Variants in BCKDHB observed in about 807,000 individuals in gnomAD.
BCKDHB encodes branched chain keto acid dehydrogenase E1 subunit beta.
Under a neutral mutation model 48.5 loss-of-function variants are expected in BCKDHB, and 41 were observed. The ratio of observed to expected loss-of-function variants is 0.85; its 90% CI spans 0.66 to 1.10. BCKDHB has a LOEUF of 1.10. Among genes scored for constraint, BCKDHB ranks in the 50% least tolerant of loss-of-function variants. The pLI is 0.00. For synonymous variants in BCKDHB, 201 were observed against 174.8 expected, an observed-to-expected ratio of 1.15 and a Z score of -1.18; for missense variants, 496 against 494.2, an observed-to-expected ratio of 1.00 and a Z score of -0.03.
the BCKDHB span, among the ~76,000 whole-genome samples, chr6:80,399,634 C>T: frequency 6.6e-6 from 1 of 152,148 alleles, no homozygotes; most frequent in Non-Finnish European, 1.5e-5. Context: ...TGCTCATGAA[C>T]AGGAAGAATC....
At chr6:80,195,979 A>G (rs1042326799) in intron 6 of BCKDHB, among the ~76,000 whole-genome samples, 11 of 152,218 alleles carry the variant, frequency 7.2e-5, no homozygotes, top group Admixed American at 5.2e-4. Flanking sequence ...TGCAATATGA[A>G]TAAAGCCCTA....
chr6:80,124,640 T>C lies in BCKDHB; in HGVS notation c.197-2907T>C, dbSNP rs563257094. 2.0e-5 allele frequency among the ~76,000 whole-genome samples: 3 copies of C among 152,328 alleles called. No homozygotes were observed. The South Asian group carries it at 6.2e-4, about 32-fold the overall frequency. ...AATTGATCCCTTTACCATTATGTAA[T>C]GGCCTTCTTTGTCTCTTTTGATCTG... is the stretch of plus-strand genomic sequence containing the variant. On this transcript the variant is annotated intron_variant, in intron 1 of 9. Transcript: ENST00000320393.
At chr6:80,178,601 T>G (rs1297849450) in intron 6 of BCKDHB, among the ~76,000 whole-genome samples, 1 of 152,212 alleles carries the variant, frequency 6.6e-6, no homozygotes, top group Non-Finnish European at 1.5e-5. Flanking sequence ...ATTAGAACAC[T>G]TATGTGCTAG....
intron 9 of BCKDHB, among the ~76,000 whole-genome samples, chr6:80,304,730 G>C (rs1344444236): frequency 1.3e-5 from 2 of 152,008 alleles, no homozygotes; most frequent in Non-Finnish European, 2.9e-5. Flanking sequence ...AGACCAAGTT[G>C]GGTTTATTCC....
chr6:80,278,768 A>G (rs923537927), intron 9 of BCKDHB, among the ~76,000 whole-genome samples: 1 of 152,110 alleles, frequency 6.6e-6, no homozygotes, highest in African/African-American at 2.4e-5. Context: ...CATCTTGGCC[A>G]GGCTGGTCTT....
intron 9 of BCKDHB, among the ~76,000 whole-genome samples, chr6:80,338,566 T>C (rs981222303): frequency 2.0e-5 from 3 of 152,204 alleles, no homozygotes; most frequent in Non-Finnish European, 4.4e-5. Flanking sequence ...CATTTTAGGC[T>C]TAGTAAGTGT....
chr6:80,149,909 C>T (rs1220118135), intron 3 of BCKDHB, among the ~76,000 whole-genome samples: 1 of 151,718 alleles, frequency 6.6e-6, no homozygotes. Flanking sequence ...AGCATACCAG[C>T]ATGGCACATA....
the BCKDHB span, among the ~76,000 whole-genome samples, chr6:80,431,778 G>A: frequency 1.3e-5 from 2 of 152,072 alleles, no homozygotes; most frequent in Non-Finnish European, 2.9e-5. Context: ...TATCCAATTT[G>A]CCAGTCTGTG....
chr6:80,225,710 G>A (rs1269262006), intron 8 of BCKDHB, among the ~76,000 whole-genome samples: 1 of 152,080 alleles, frequency 6.6e-6, no homozygotes, highest in Non-Finnish European at 1.5e-5. Flanking sequence ...ACATGATAGT[G>A]CTTTAATTTT....
chr6:80,438,324 G>C, the BCKDHB span, among the ~76,000 whole-genome samples: 1 of 152,126 alleles, frequency 6.6e-6, no homozygotes, highest in Non-Finnish European at 1.5e-5. Context: ...TCATAGCATA[G>C]ACTTTTCATA....
Position 80,176,188 on chromosome 6 carries a change from A to T in BCKDHB, c.742+4798A>T, listed in dbSNP as rs1170918216. On this transcript the variant is annotated intron_variant, in intron 6 of 9. Coordinates refer to ENST00000320393, the MANE Select transcript of BCKDHB (RefSeq NM_183050.4). ...ATGAATTTAAGGAGGGGAAAGGAGA[A>T]GGAGGTGTTAAGAGTAAGTGTAGAA... is the stretch of plus-strand genomic sequence containing the variant. 2.0e-5 allele frequency among the ~76,000 whole-genome samples: 3 copies of T among 152,194 alleles called. No homozygotes were observed. The East Asian group carries it at 5.8e-4, about 29-fold the overall frequency.
At chr6:80,244,628 T>C (rs1202526558) in intron 8 of BCKDHB, among the ~76,000 whole-genome samples, 2 of 152,202 alleles carry the variant, frequency 1.3e-5, no homozygotes, top group African/African-American at 4.8e-5. Flanking sequence ...TCTATTGTAA[T>C]AGTAACAGAT....
intron 8 of BCKDHB, among the ~76,000 whole-genome samples, chr6:80,222,441 C>T (rs542479347): frequency 1.6e-4 from 24 of 152,256 alleles, no homozygotes; most frequent in African/African-American, 5.5e-4. Context: ...ATATGCCCCT[C>T]CTGATTGACA....
chr6:80,378,924 A>C, the BCKDHB span, among the ~76,000 whole-genome samples: 1 of 152,174 alleles, frequency 6.6e-6, no homozygotes, highest in Non-Finnish European at 1.5e-5. Flanking sequence ...TGGAATACTT[A>C]GTAATGAAAT....
chr6:80,395,251 G>C, the BCKDHB span, among the ~76,000 whole-genome samples: 1 of 152,182 alleles, frequency 6.6e-6, no homozygotes, highest in African/African-American at 2.4e-5. Context: ...ACAAGAAAAT[G>C]TAGGAAAGTT....
At chr6:80,207,499 AGAT>A (rs1421201231) in intron 8 of BCKDHB, among the ~76,000 whole-genome samples, 2 of 151,888 alleles carry the variant, frequency 1.3e-5, no homozygotes, top group Non-Finnish European at 2.9e-5. Context: ...AATAGATAAC[AGAT>A]GATAAGATGA....
chr6:80,429,670 T>G, the BCKDHB span, among the ~76,000 whole-genome samples: 5 of 152,206 alleles, frequency 3.3e-5, no homozygotes, highest in African/African-American at 1.2e-4. Context: ...TTTGGCTCTG[T>G]TTGTCTGTTA....
the BCKDHB span, among the ~76,000 whole-genome samples, chr6:80,392,545 A>G: frequency 4.7e-4 from 72 of 151,792 alleles, 1 homozygote; most frequent in Non-Finnish European, 3.4e-4. Context: ...AAGAGTTTGT[A>G]TGCTCCTTAT....
At chr6:80,392,658 T>G in the BCKDHB span, among the ~76,000 whole-genome samples, 3 of 151,812 alleles carry the variant, frequency 2.0e-5, no homozygotes, top group Non-Finnish European at 2.9e-5. Context: ...GTAATTTTTT[T>G]GATGCTATAG....
Sources: gnomAD v4.1 joint callset for allele counts (sites outside exome capture counted in the v4.1 genomes callset) on GRCh38, gnomAD v4.1.1 for gene constraint, MANE v1.5 for transcripts, NCBI Gene and HGNC (gene_info 2026-07-23, HGNC 2026-07-21) for gene names.